The following KLF12 variants were observed in gnomAD, a reference collection of about 807,000 sequenced individuals.
The protein encoded by KLF12 is KLF transcription factor 12.
A neutral mutation model predicts 37.8 loss-of-function variants in KLF12; 9 were observed. The observed-to-expected ratio is 0.24, with a 90% confidence interval of 0.14 to 0.42. The LOEUF is 0.42. Ranked by LOEUF, KLF12 falls within the 10% of genes least tolerant of loss-of-function variation. The probability of loss-of-function intolerance (pLI) is 1.00; values close to 1 mark genes in which losing one functional copy is unlikely to be tolerated. For missense variants in KLF12, 411 were observed against 516.0 expected (o/e 0.80, Z 1.97); for synonymous variants, 208 against 202.1 (o/e 1.03, Z -0.25).
At chr13:73,721,375 C>G (rs956209175) in intron 6 of KLF12, among the ~76,000 whole-genome samples, 8 of 152,162 alleles carry the variant, frequency 5.3e-5, no homozygotes, top group African/African-American at 1.2e-4. Flanking sequence ...TCCCCTTTAA[C>G]CCAATTATAT....
chr13:74,048,842 T>TA (rs1339145675), intron 1 of KLF12, among the ~76,000 whole-genome samples: 2 of 152,094 alleles, frequency 1.3e-5, no homozygotes, highest in Non-Finnish European at 2.9e-5. Context: ...GATAAGTCAA[T>TA]AAGCACAAGA....
chr13:74,040,102 C>G (rs1252649246), intron 1 of KLF12, among the ~76,000 whole-genome samples: 1 of 152,142 alleles, frequency 6.6e-6, no homozygotes, highest in East Asian at 1.9e-4. Context: ...TAATAAATGG[C>G]CACTACATTA....
intron 3 of KLF12, among the ~76,000 whole-genome samples, chr13:73,894,428 T>G (rs570150479): frequency 6.6e-6 from 1 of 152,272 alleles, no homozygotes; most frequent in Non-Finnish European, 1.5e-5. Flanking sequence ...ACCAATATCA[T>G]CTACTTTTTT....
intron 2 of KLF12, among the ~76,000 whole-genome samples, chr13:73,967,071 T>C (rs1447200557): frequency 6.6e-6 from 1 of 152,212 alleles, no homozygotes; most frequent in Non-Finnish European, 1.5e-5. Context: ...AAAAGGCCTC[T>C]AATTTTGTTT....
chr13:74,084,079 G>A (rs565332860), intron 1 of KLF12, among the ~76,000 whole-genome samples: 3 of 152,268 alleles, frequency 2.0e-5, no homozygotes, highest in East Asian at 1.9e-4. Flanking sequence ...TAATGTTACC[G>A]AACAAGTACG....
At chr13:73,849,375 T>TAAAAAAAAAAAAAAAAAAAA (rs574332239) in intron 3 of KLF12, among the ~76,000 whole-genome samples, 1 of 98,968 alleles carries the variant, frequency 1.0e-5, no homozygotes, top group African/African-American at 4.8e-5. Flanking sequence ...GGAGACTCCA[T>TAAAAAAAAAAAAAAAAAAAA]AAAAAAAAAA....
the KLF12 span, among the ~76,000 whole-genome samples, chr13:74,268,981 G>A: frequency 1.4e-4 from 21 of 152,294 alleles, no homozygotes; most frequent in Admixed American, 1.2e-3. Context: ...GAGGCAGAAA[G>A]GAGAATGGAC....
chr13:74,086,332 T>C (rs929195893), intron 1 of KLF12, among the ~76,000 whole-genome samples: 8 of 141,418 alleles, frequency 5.7e-5, no homozygotes, highest in East Asian at 2.2e-4. Flanking sequence ...TGTGTTCTCA[T>C]TGTTCAGTTC....
At chr13:73,731,278 A>G (rs1877036280) in intron 6 of KLF12, among the ~76,000 whole-genome samples, 1 of 152,186 alleles carries the variant, frequency 6.6e-6, no homozygotes. Context: ...TGCCAAGATA[A>G]AAGCTAATGA....
At chr13:74,189,508 A>G in the KLF12 span, among the ~76,000 whole-genome samples, 1,630 of 152,214 alleles carry the variant, frequency 0.011, 34 homozygotes, top group African/African-American at 0.037. Flanking sequence ...TCAGTCTTCC[A>G]TTTCTAGGCC....
At chr13:74,055,488 G>A (rs1229695339) in intron 1 of KLF12, among the ~76,000 whole-genome samples, 2 of 152,190 alleles carry the variant, frequency 1.3e-5, no homozygotes, top group African/African-American at 4.8e-5. Flanking sequence ...GCGTGCTCCA[G>A]TAGGTCTGAT....
At chr13:74,156,367 A>G in the KLF12 span, among the ~76,000 whole-genome samples, 1 of 152,144 alleles carries the variant, frequency 6.6e-6, no homozygotes, top group South Asian at 2.1e-4. Context: ...ATCATCATGT[A>G]TGTTTTTCTA....
chr13:74,134,188 G>GT (rs1878436623), upstream of KLF12, among the ~76,000 whole-genome samples: 1 of 150,692 alleles, frequency 6.6e-6, no homozygotes, highest in Non-Finnish European at 1.5e-5. Flanking sequence ...GTGCTGTGAG[G>GT]GGGGGGGCCG....
chr13:73,988,982 G>A (rs1432402377), intron 2 of KLF12, among the ~76,000 whole-genome samples: 2 of 152,124 alleles, frequency 1.3e-5, no homozygotes, highest in Non-Finnish European at 2.9e-5. Context: ...TACAAGCAAA[G>A]TTGAACACTG....
At chr13:74,132,550 TATACAGTTA>T (rs1878320412) in intron 1 of KLF12, among the ~76,000 whole-genome samples, 2 of 152,216 alleles carry the variant, frequency 1.3e-5, no homozygotes, top group Non-Finnish European at 2.9e-5. Context: ...TTTAGCCATC[TATACAGTTA>T]AATTAGAGTG....
the KLF12 span, among the ~76,000 whole-genome samples, chr13:74,236,263 A>C: frequency 9.1e-6 from 1 of 109,536 alleles, no homozygotes; most frequent in Non-Finnish European, 1.8e-5. Flanking sequence ...GTCCCTACAA[A>C]GGACATGAAC....
chr13:74,049,873 A>G (rs895658008), intron 1 of KLF12, among the ~76,000 whole-genome samples: 2 of 152,250 alleles, frequency 1.3e-5, no homozygotes, highest in Non-Finnish European at 2.9e-5. Context: ...TGGAAGAAAC[A>G]GTACCCCAAT....
Position 74,133,855 on chromosome 13 carries a change from A to G in KLF12, c.-148T>C, listed in dbSNP as rs903037917. On this transcript the variant is annotated 5_prime_UTR_variant, in exon 1 of 8. Transcript: ENST00000377669. ...CGCGCACACACACACACACACTCGC[A>G]CACACACGGCGTCACCCGCGCACAC... Among the ~76,000 whole-genome samples the G allele has an allele frequency of 9.2e-5, 14 of 151,800 alleles. No homozygotes were observed. Among genetic ancestry groups the G allele is most frequent in the Middle Eastern group, 3.4e-3 (1 of 294 alleles).
rs550976016 is a variant in KLF12 at position 73,712,363 on chromosome 13, A to G, written c.1027+3005T>C. Among the ~76,000 whole-genome samples the G allele has an allele frequency of 5.1e-4, 72 of 141,916 alleles. 1 individual carries two copies. Among genetic ancestry groups the G allele is most frequent in the African/African-American group, 2.0e-3 (71 of 35,454 alleles). 93.1% of individuals were successfully genotyped at this position (141,916 alleles called of 152,430 possible). A position where few individuals can be genotyped will look rare whatever the true frequency, so the allele number is the denominator to read the frequency against. ...CAAAAAAAAAAAAAAAAAAAAAAGG[A>G]TTAGAAGTGGACTCAAGATGTGACT... On this transcript the variant is annotated intron_variant, in intron 7 of 7. Coordinates refer to ENST00000377669, the MANE Select transcript of KLF12 (RefSeq NM_007249.5).
Sources: gnomAD v4.1 joint callset for allele counts (sites outside exome capture counted in the v4.1 genomes callset) on GRCh38, gnomAD v4.1.1 for gene constraint, MANE v1.5 for transcripts, NCBI Gene and HGNC (gene_info 2026-07-23, HGNC 2026-07-21) for gene names.